The following POLA1 variants were observed in gnomAD, a reference collection of about 807,000 sequenced individuals.
POLA1 encodes DNA polymerase alpha 1, catalytic subunit.
POLA1 carries 15 observed loss-of-function variants against 124.0 expected under a neutral mutation model. That is an observed-to-expected ratio of 0.12 (90% CI 0.08 to 0.19). The LOEUF is 0.19. Among genes scored for constraint, POLA1 ranks in the 10% least tolerant of loss-of-function variants. POLA1 has a pLI of 1.00. For synonymous variants in POLA1, 408 were observed against 389.4 expected (o/e 1.05, Z -0.56); for missense variants, 886 against 1,103.4 (o/e 0.80, Z 2.79).
chrX:24,880,088 A>G (rs778559904), intron 34 of POLA1, among the ~76,000 whole-genome samples: 12 of 111,881 alleles, frequency 1.1e-4, no homozygotes, highest in Non-Finnish European at 2.1e-4. Flanking sequence ...ATCATGTAAT[A>G]TACAATCGCT....
chrX:24,719,462 C>T (rs903720840), intron 10 of POLA1, among the ~76,000 whole-genome samples: 1 of 109,515 alleles, frequency 9.1e-6, no homozygotes. Flanking sequence ...TTGATTATAC[C>T]CCCTCACCTC....
chrX:24,896,436 C>CT (rs1471326453), intron 35 of POLA1, among the ~76,000 whole-genome samples: 1 of 111,429 alleles, frequency 9.0e-6, no homozygotes, highest in Non-Finnish European at 1.9e-5. Flanking sequence ...CATGAGGTTT[C>CT]TTTTTTGTTT....
At chrX:24,694,202 TTTG>T (rs982212097) in intron 1 of POLA1, among the ~76,000 whole-genome samples, 198 bp downstream of exon 1, 1 of 112,579 alleles carries the variant, frequency 8.9e-6, no homozygotes, top group African/African-American at 3.2e-5. Flanking sequence ...TGGAGGGATT[TTTG>T]TTTGGGAGGC....
At chrX:24,857,026 TATTG>T (rs1417927052) in intron 34 of POLA1, among the ~76,000 whole-genome samples, 1 of 111,822 alleles carries the variant, frequency 8.9e-6, no homozygotes, top group African/African-American at 3.2e-5. Context: ...ATTTTTCTTT[TATTG>T]ATTGTGCTTT....
intron 34 of POLA1, among the ~76,000 whole-genome samples, chrX:24,846,341 G>T (rs2046476319): frequency 9.0e-6 from 1 of 111,254 alleles, no homozygotes; most frequent in Non-Finnish European, 1.9e-5. Context: ...ACTGAGCCAG[G>T]ATATTTTAAG....
chrX:24,741,088 A>G (rs1414900591), intron 20 of POLA1, among the ~76,000 whole-genome samples: 6 of 105,242 alleles, frequency 5.7e-5, no homozygotes, highest in African/African-American at 1.8e-4. Context: ...TAGTTATTAT[A>G]TTACTTCAGT....
In POLA1 at chrX:24,717,304, G is replaced by T. The variant is rs372776800; in HGVS notation, c.721G>T (p.Val241Phe). Residue 241 changes from valine (V) to phenylalanine (F), a missense_variant, in exon 9 of 37, where the codon GTC (valine) becomes TTC (phenylalanine). Physicochemically the swap from Val to Phe is conservative, Grantham distance 50. Coordinates refer to ENST00000379068, the MANE Select transcript of POLA1 (RefSeq NM_001330360.2). ...RAEFAGDDVQ[V>F]ESTEEEQESG... ...GATGCCTACAGGCGATGATGTACAG[G>T]TCGAGAGTACAGAAGAAGAGCAGGA... 2.0e-5 allele frequency: 24 copies of T among 1,208,694 alleles called. No homozygotes were observed. Among genetic ancestry groups the T allele is most frequent in the Non-Finnish European group, 2.7e-5 (24 of 892,823 alleles).
chrX:24,750,051 G>A (rs377325112), intron 26 of POLA1, among the ~76,000 whole-genome samples: 1 of 111,710 alleles, frequency 9.0e-6, no homozygotes, highest in Non-Finnish European at 1.9e-5. Context: ...GATGGCCATC[G>A]GGGCAAATGC....
At chrX:24,958,519 G>C (rs746303379) in intron 36 of POLA1, among the ~76,000 whole-genome samples, 1 of 112,451 alleles carries the variant, frequency 8.9e-6, no homozygotes, top group Non-Finnish European at 1.9e-5. Flanking sequence ...TAATCTATAT[G>C]TTCATATAGT....
chrX:24,769,085 T>C (rs1168862246), intron 26 of POLA1, among the ~76,000 whole-genome samples: 1 of 112,067 alleles, frequency 8.9e-6, no homozygotes, highest in Non-Finnish European at 1.9e-5. Context: ...TAATTTTGTA[T>C]TGTAGATTTC....
intron 34 of POLA1, among the ~76,000 whole-genome samples, chrX:24,851,631 C>A (rs1021851612): frequency 1.8e-5 from 2 of 113,008 alleles, no homozygotes; most frequent in African/African-American, 3.2e-5. Flanking sequence ...TGGTTTGCCT[C>A]CTCTGACGGG....
At chrX:24,877,400 A>C (rs1026666565) in intron 34 of POLA1, among the ~76,000 whole-genome samples, 5 of 111,837 alleles carry the variant, frequency 4.5e-5, no homozygotes, top group Non-Finnish European at 9.4e-5. Flanking sequence ...GATGTGCCGC[A>C]TTTGAGCCCA....
chrX:24,707,513 AC>A (rs970665844), intron 4 of POLA1, among the ~76,000 whole-genome samples: 7 of 112,253 alleles, frequency 6.2e-5, no homozygotes, highest in African/African-American at 1.9e-4. Flanking sequence ...CTTTGCCACC[AC>A]CATTCACCCA....
In POLA1 at chrX:24,716,380, C is replaced by T. The variant is rs1480123077; in HGVS notation, c.544C>T (p.Pro182Ser). 2.6e-6 allele frequency: 3 copies of T among 1,170,316 alleles called. No homozygotes were observed. In the African/African-American group the frequency reaches 5.3e-5, roughly 21 times the overall value. The change falls in exon 7 of 37, where the codon CCA becomes TCA. Residue 182 changes from proline to serine, a missense_variant. By Grantham distance (74) the Pro-to-Ser change is moderately conservative. Coordinates refer to ENST00000379068, the MANE Select transcript of POLA1 (RefSeq NM_001330360.2). ...CTTTTAGACACCTCAAATAACTCCA[C>T]CACCTGTAATGATACTGAAGAAGAA... Reference protein sequence around the residue: ...LNTETPQITPPPVMILKKKRS... With the variant: ...LNTETPQITPSPVMILKKKRS...
intron 36 of POLA1, among the ~76,000 whole-genome samples, chrX:24,992,472 C>T (rs1397942893): frequency 8.9e-6 from 1 of 112,544 alleles, no homozygotes; most frequent in Admixed American, 9.4e-5. Context: ...GACTGTATAA[C>T]ACCTGACAGA....
chrX:24,893,432 A>G (rs1569352848), intron 35 of POLA1, among the ~76,000 whole-genome samples: 1 of 112,072 alleles, frequency 8.9e-6, no homozygotes, highest in African/African-American at 3.2e-5. Flanking sequence ...ATAACATAAA[A>G]TTAAGTGTTT....
intron 36 of POLA1, among the ~76,000 whole-genome samples, chrX:24,949,508 T>C (rs1349768946): frequency 9.2e-6 from 1 of 108,226 alleles, no homozygotes; most frequent in African/African-American, 3.4e-5. Context: ...AAAAAATATC[T>C]TGAGGCATGT....
chrX:24,826,714 G>A (rs1431332557), intron 32 of POLA1, 113 bp downstream of exon 32: 1 of 475,310 alleles, frequency 2.1e-6, no homozygotes. Flanking sequence ...GCACTTCTTT[G>A]TTTATAGTTT....
At chrX:24,816,558 C>T (rs2045991007) in intron 30 of POLA1, among the ~76,000 whole-genome samples, 1 of 112,159 alleles carries the variant, frequency 8.9e-6, no homozygotes, top group Non-Finnish European at 1.9e-5. Flanking sequence ...ACTGTGTCAT[C>T]TAGAAAGTAG....
Sources: gnomAD v4.1 joint callset for allele counts (sites outside exome capture counted in the v4.1 genomes callset) on GRCh38, gnomAD v4.1.1 for gene constraint, MANE v1.5 for transcripts, NCBI Gene and HGNC (gene_info 2026-07-23, HGNC 2026-07-21) for gene names.